The following ANOS1 variants were observed in gnomAD, a reference collection of about 807,000 sequenced individuals.
The protein encoded by ANOS1 is anosmin-1.
In ANOS1, 6 loss-of-function variants were observed where a neutral mutation model predicts 59.0. That is an observed-to-expected ratio of 0.10 (90% CI 0.06 to 0.20). ANOS1 has a LOEUF of 0.20. Ranked by LOEUF, ANOS1 falls within the 10% of genes least tolerant of loss-of-function variation. The probability of loss-of-function intolerance (pLI) is 1.00; values close to 1 mark genes in which losing one functional copy is unlikely to be tolerated. For synonymous variants in ANOS1, 217 were observed against 223.4 expected (o/e 0.97, Z 0.25); for missense variants, 433 against 542.3 (o/e 0.80, Z 2.00).
At chrX:8,703,202 C>G (rs1208017404) in intron 1 of ANOS1, among the ~76,000 whole-genome samples, 1 of 112,134 alleles carries the variant, frequency 8.9e-6, no homozygotes, top group East Asian at 2.8e-4. Context: ...CTTTACCTGT[C>G]TGTAAGACAT....
At chrX:8,651,445 A>G (rs1466739327) in intron 2 of ANOS1, among the ~76,000 whole-genome samples, 1 of 111,923 alleles carries the variant, frequency 8.9e-6, no homozygotes, top group Non-Finnish European at 1.9e-5. Context: ...TCGATGGGGG[A>G]AAAAAAAGAC....
At chrX:8,606,994 C>T (rs1930955036) in intron 3 of ANOS1, among the ~76,000 whole-genome samples, 2 of 111,880 alleles carry the variant, frequency 1.8e-5, no homozygotes, top group Non-Finnish European at 3.8e-5. Context: ...TGGCACACAA[C>T]TGTAATCCCA....
chrX:8,643,975 T>C lies in ANOS1; in HGVS notation c.256-20305A>G, dbSNP rs770635553. 9.9e-5 allele frequency among the ~76,000 whole-genome samples: 11 copies of C among 111,203 alleles called. No individual in the cohort carries two copies. The South Asian group carries it at 4.2e-3, about 43-fold the overall frequency. ...AAACCAATGTCTTTCTTAAATGTATTTGATTGATATCTCATGCCTCCCTAA... is the reference window on the plus strand; with the variant it reads ...AAACCAATGTCTTTCTTAAATGTATCTGATTGATATCTCATGCCTCCCTAA... On this transcript the variant is annotated intron_variant, in intron 2 of 13. Transcript: ENST00000262648.
At chrX:8,639,829 T>C (rs369368433) in intron 2 of ANOS1, among the ~76,000 whole-genome samples, 189 of 111,965 alleles carry the variant, frequency 1.7e-3, no homozygotes, top group African/African-American at 5.9e-3. Flanking sequence ...GATAAGCTTC[T>C]CTCTCTTTCT....
At position 8,706,907 on chromosome X, in the gene ANOS1, A is replaced by G. The variant is rs370723997; in HGVS notation, c.208-7162T>C. On this transcript the variant is annotated intron_variant, in intron 1 of 13. Coordinates refer to ENST00000262648, the MANE Select transcript of ANOS1 (RefSeq NM_000216.4). ...AGGAAACAAATATTTGACCATATAG[A>G]AAGAAATACACCTGCCTCCAGACAC... 6.3e-5 allele frequency among the ~76,000 whole-genome samples: 7 copies of G among 111,888 alleles called. No homozygotes were observed. In the East Asian group the frequency reaches 1.4e-3, roughly 22 times the overall value.
intron 8 of ANOS1, among the ~76,000 whole-genome samples, chrX:8,565,253 C>T (rs1185896908): frequency 1.8e-5 from 2 of 112,069 alleles, no homozygotes; most frequent in African/African-American, 6.5e-5. Flanking sequence ...GACTAAAAGA[C>T]ATGCTTATTT....
chrX:8,695,889 T>G (rs1009365153), intron 2 of ANOS1, among the ~76,000 whole-genome samples: 4 of 111,268 alleles, frequency 3.6e-5, no homozygotes, highest in African/African-American at 1.3e-4. Context: ...TACTGGTACT[T>G]ATTAGTAAAG....
intron 8 of ANOS1, among the ~76,000 whole-genome samples, chrX:8,558,052 C>A (rs1039741348): frequency 3.6e-5 from 4 of 110,682 alleles, no homozygotes; most frequent in African/African-American, 1.3e-4. Context: ...AACCACAATT[C>A]TCAGCAAACT....
chrX:8,545,413 C>A (rs5978897), intron 9 of ANOS1, among the ~76,000 whole-genome samples: 49 of 66,472 alleles, frequency 7.4e-4, no homozygotes, highest in African/African-American at 2.0e-3. Context: ...GGAAGGAAGG[C>A]AGGCAGGCAG....
intron 3 of ANOS1, among the ~76,000 whole-genome samples, chrX:8,615,475 G>A (rs1463553772): frequency 4.7e-5 from 5 of 107,112 alleles, no homozygotes; most frequent in East Asian, 2.9e-4. Flanking sequence ...CCTGGGGGGC[G>A]GAGGTTGCAC....
chrX:8,613,472 C>T (rs1361581319), intron 3 of ANOS1, among the ~76,000 whole-genome samples: 2 of 107,906 alleles, frequency 1.9e-5, no homozygotes, highest in East Asian at 3.0e-4. Context: ...GTGATCCTCC[C>T]GTCTTGGCCT....
At chrX:8,545,990 G>T (rs982015178) in intron 9 of ANOS1, among the ~76,000 whole-genome samples, 2 of 112,144 alleles carry the variant, frequency 1.8e-5, no homozygotes, top group Non-Finnish European at 3.8e-5. Flanking sequence ...CACTTTAGAT[G>T]GGTCTATTGA....
chrX:8,716,066 C>T (rs956911149), intron 1 of ANOS1, among the ~76,000 whole-genome samples: 4 of 111,244 alleles, frequency 3.6e-5, no homozygotes, highest in African/African-American at 9.8e-5. Flanking sequence ...GGGCAGTCGA[C>T]GGTCTGAGAG....
intron 6 of ANOS1, among the ~76,000 whole-genome samples, chrX:8,582,342 G>A (rs1041005944): frequency 1.8e-5 from 2 of 112,366 alleles, no homozygotes; most frequent in African/African-American, 6.5e-5. Flanking sequence ...TCAACAATCT[G>A]AAGGAAGAGC....
chrX:8,684,037 T>C (rs890382169), intron 2 of ANOS1, among the ~76,000 whole-genome samples: 3 of 112,034 alleles, frequency 2.7e-5, no homozygotes, highest in Non-Finnish European at 5.6e-5. Flanking sequence ...TCTGAGCTCA[T>C]GTCTGCTTAT....
chrX:8,603,014 C>T (rs1930874273), intron 3 of ANOS1, among the ~76,000 whole-genome samples: 1 of 112,099 alleles, frequency 8.9e-6, no homozygotes, highest in African/African-American at 3.2e-5. Flanking sequence ...GCTGGGATTA[C>T]AGGCGTGAGC....
Position 8,623,637 on chromosome X carries a change from T to G in ANOS1, c.289A>C (p.Arg97=), listed in dbSNP as rs1242753773. The G allele has an allele frequency of 8.3e-7, 1 of 1,206,132 alleles. No homozygotes were observed. The highest frequency in any genetic ancestry group is 1.1e-6 in the Non-Finnish European group (1 of 890,547). The part of the protein sequence containing the change: ...LEPCKESGDL[R]KHQCQSFCEP... ...CAAAAGCTTTGGCACTGGTGTTTCC[T>G]CAGGTCCCCTGATTCCTTGCAGGGC... Residue 97 remains arginine (R), a synonymous_variant, in exon 3 of 14, where the codon AGG becomes CGG. Coordinates refer to ENST00000262648, the MANE Select transcript of ANOS1 (RefSeq NM_000216.4).
chrX:8,616,910 T>G (rs1243150485), intron 3 of ANOS1, among the ~76,000 whole-genome samples: 2 of 112,348 alleles, frequency 1.8e-5, no homozygotes, highest in Non-Finnish European at 3.8e-5. Flanking sequence ...TAAAAGGAAG[T>G]ACTCAGGAGC....
intron 2 of ANOS1, among the ~76,000 whole-genome samples, chrX:8,653,958 T>C (rs916116301): frequency 8.9e-6 from 1 of 112,199 alleles, no homozygotes; most frequent in African/African-American, 3.2e-5. Flanking sequence ...TGATGCCACA[T>C]TTGAGGGATT....
Sources: allele counts gnomAD v4.1 joint callset (sites outside exome capture counted in the v4.1 genomes callset), GRCh38; gene constraint gnomAD v4.1.1; transcripts MANE v1.5; gene names NCBI Gene and HGNC (gene_info 2026-07-23, HGNC 2026-07-21).